The following MAGI1 variants were observed in gnomAD, a reference collection of about 807,000 sequenced individuals.
MAGI1 encodes membrane associated guanylate kinase, WW and PDZ domain containing 1.
In MAGI1, 58 loss-of-function variants were observed where a neutral mutation model predicts 139.9. The observed-to-expected ratio is 0.41, with a 90% CI of 0.34 to 0.52. MAGI1 has a LOEUF of 0.52. Ranked by LOEUF, MAGI1 falls within the 20% of genes least tolerant of loss-of-function variation. The probability of loss-of-function intolerance (pLI) is 0.12; values close to 1 mark genes in which losing one functional copy is unlikely to be tolerated. For synonymous variants in MAGI1, 812 were observed against 737.9 expected, an observed-to-expected ratio of 1.10 and a Z score of -1.63; for missense variants, 1,874 against 1,901.6, an observed-to-expected ratio of 0.99 and a Z score of 0.27.
intron 18 of MAGI1, chr3:65,365,242 C>T (rs771714517): frequency 3.5e-6 from 2 of 574,578 alleles, no homozygotes; most frequent in Admixed American, 3.9e-5. Context: ...ATATGTTTCT[C>T]ACTCCTCCCC....
intron 3 of MAGI1, among the ~76,000 whole-genome samples, chr3:65,479,049 G>A (rs939891391): frequency 2.0e-5 from 3 of 152,170 alleles, no homozygotes; most frequent in Non-Finnish European, 2.9e-5. Context: ...AAAAACAAAG[G>A]AGGCTATGCT....
chr3:65,574,182 A>C (rs529228877), intron 2 of MAGI1, among the ~76,000 whole-genome samples: 4 of 151,642 alleles, frequency 2.6e-5, no homozygotes, highest in African/African-American at 9.7e-5. Flanking sequence ...TTTATTTTTT[A>C]TTTTTTAACT....
At position 65,661,745 on chromosome 3, in the gene MAGI1, G is replaced by GTTTTTT. The variant is rs11369893; in HGVS notation, c.314-39663_314-39658dup. Reference sequence around the variant, plus strand: ...TTTTTTTGTTGTTTTGTTTTTTTCTGTTTTTTTTTTTTTTTTTTTTGAGAT... The same window carrying GTTTTTT: ...TTTTTTTGTTGTTTTGTTTTTTTCTGTTTTTTTTTTTTTTTTTTTTTTTTTTGAGAT... On this transcript the variant is annotated intron_variant, in intron 1 of 22. Transcript: ENST00000402939. Among the ~76,000 whole-genome samples, 177 of 93,912 alleles carry GTTTTTT rather than the reference G, an allele frequency of 1.9e-3. 9 individuals carry two copies. Among genetic ancestry groups the GTTTTTT allele is most frequent in the African/African-American group, 6.4e-3 (152 of 23,656 alleles). The allele number at this position is 93,912 out of a possible 152,430, so 61.6% of individuals were successfully genotyped here. A position where few individuals can be genotyped will look rare whatever the true frequency, so the allele number is the denominator to read the frequency against.
intron 5 of MAGI1, among the ~76,000 whole-genome samples, chr3:65,459,445 C>G (rs796765981): frequency 6.6e-6 from 1 of 152,192 alleles, no homozygotes; most frequent in African/African-American, 2.4e-5. Context: ...CGGAATACAA[C>G]TGCTATTTAT....
intron 13 of MAGI1, 28 bp from the exon 14 acceptor site, chr3:65,391,386 GAAGAA>G: frequency 1.9e-6 from 3 of 1,586,408 alleles, no homozygotes; most frequent in Non-Finnish European, 2.6e-6. Flanking sequence ...AGAGGGGCAA[GAAGAA>G]AAGATTATTA....
intron 17 of MAGI1, among the ~76,000 whole-genome samples, chr3:65,378,985 A>G (rs1044225722): frequency 7.2e-5 from 11 of 152,164 alleles, no homozygotes; most frequent in Non-Finnish European, 1.6e-4. Flanking sequence ...CCCGGCTGCT[A>G]TTCAAATTTC....
rs561532414 is a variant in MAGI1, at chr3:65,876,278, C to T, written c.313+161718G>A. 2.1e-4 allele frequency among the ~76,000 whole-genome samples: 32 copies of T among 152,134 alleles called. 1 individual carries two copies. The highest frequency in any genetic ancestry group is 1.3e-3 in the Admixed American group (20 of 15,262). On this transcript the variant is annotated intron_variant, in intron 1 of 22. Coordinates refer to ENST00000402939, the MANE Select transcript of MAGI1 (RefSeq NM_001033057.2). ...TCAATGCTACAGTGTGCTACGATCA[C>T]GCCTGTGAACAGCCACTGCACTCCA...
intron 1 of MAGI1, among the ~76,000 whole-genome samples, chr3:65,710,892 C>A (rs1409856561): frequency 6.6e-6 from 1 of 152,186 alleles, no homozygotes; most frequent in African/African-American, 2.4e-5. Context: ...CACTTTCCTA[C>A]CATTTCTCCA....
At chr3:65,701,726 G>C (rs996308904) in intron 1 of MAGI1, among the ~76,000 whole-genome samples, 9 of 152,120 alleles carry the variant, frequency 5.9e-5, no homozygotes, top group Admixed American at 5.2e-4. Flanking sequence ...ATGGTCTCTG[G>C]TGGACTCAGA....
Position 66,038,317 on chromosome 3 carries a change from A to C in MAGI1, c.-9T>G. 3.2e-6 allele frequency: 5 copies of C among 1,540,658 alleles called. No individual in the cohort carries two copies. Among genetic ancestry groups the C allele is most frequent in the Non-Finnish European group, 3.5e-6 (4 of 1,143,786 alleles). ...TGGATCACTTTGGACATGATGAGTT[A>C]CACCCCTCCTCCAAAAAAATAAAAC... is the stretch of plus-strand genomic sequence containing the variant. On this transcript the variant is annotated 5_prime_UTR_variant, in exon 1 of 23. Transcript: ENST00000402939.
At position 65,778,430 on chromosome 3, in the gene MAGI1, CA is replaced by C. The variant is rs35399058; in HGVS notation, c.314-156343del. Among the ~76,000 whole-genome samples, 37 of 83,900 alleles carry C rather than the reference CA, an allele frequency of 4.4e-4. 1 individual carries two copies. Among genetic ancestry groups the C allele is most frequent in the Non-Finnish European group, 4.8e-4 (21 of 44,090 alleles). The allele number at this position is 83,900 out of a possible 152,430, so 55.0% of individuals were successfully genotyped here. A position where few individuals can be genotyped will look rare whatever the true frequency, so the allele number is the denominator to read the frequency against. On this transcript the variant is annotated intron_variant, in intron 1 of 22. Transcript: ENST00000402939. ...GGGCAACAAGAGTGAAACTCTGTCTCAAAAAAAAAAAAAATAAATAAATAAG... is the reference window on the plus strand; with the variant it reads ...GGGCAACAAGAGTGAAACTCTGTCTCAAAAAAAAAAAAATAAATAAATAAG...
At chr3:65,390,812 T>G (rs1943865373) in intron 14 of MAGI1, among the ~76,000 whole-genome samples, 1 of 152,228 alleles carries the variant, frequency 6.6e-6, no homozygotes, top group South Asian at 2.1e-4. Flanking sequence ...AGATTTGTGC[T>G]CAGAGCACAT....
Position 65,356,644 on chromosome 3 carries a change from C to G in MAGI1, c.4123G>C (p.Glu1375Gln). The G allele has an allele frequency of 6.3e-7, 1 of 1,587,116 alleles. No homozygotes were observed. The highest frequency in any genetic ancestry group is 8.6e-7 in the Non-Finnish European group (1 of 1,168,164). Residue 1375 changes from glutamate (E) to glutamine (Q), a missense_variant, in exon 23 of 23, where the codon GAG becomes CAG. By Grantham distance (29) the Glu-to-Gln change is conservative (BLOSUM62 2). This residue lies in a region of MAGI1 where 653 missense variants were observed against 644.5 expected (regional missense o/e 1.01). Coordinates refer to ENST00000402939, the MANE Select transcript of MAGI1 (RefSeq NM_001033057.2). ...GACCTCCTCTGCTCCAGGAGTCTCTCCAGAGACCGTCTCCGCCGGCTGGGG... is the reference window on the plus strand; with the variant it reads ...GACCTCCTCTGCTCCAGGAGTCTCTGCAGAGACCGTCTCCGCCGGCTGGGG... ...GSPSRRRRSL[E>Q]RLLEQRRSPE... is the part of the protein sequence containing the mutation.
intron 1 of MAGI1, among the ~76,000 whole-genome samples, chr3:65,736,054 A>G (rs1330641307): frequency 6.6e-6 from 1 of 152,202 alleles, no homozygotes; most frequent in Non-Finnish European, 1.5e-5. Flanking sequence ...CACTCCAACA[A>G]TTAAATCTCC....
At chr3:65,612,045 T>C (rs1376690657) in intron 2 of MAGI1, among the ~76,000 whole-genome samples, 4 of 152,106 alleles carry the variant, frequency 2.6e-5, no homozygotes, top group Non-Finnish European at 5.9e-5. Context: ...AGTCTCTCTA[T>C]ACTTTAATGA....
intron 1 of MAGI1, chr3:65,688,343 A>G: frequency 1.5e-6 from 1 of 661,912 alleles, no homozygotes; most frequent in Non-Finnish European, 2.9e-6. Context: ...CCTGGGATGG[A>G]GTGATAGTAA....
intron 2 of MAGI1, among the ~76,000 whole-genome samples, chr3:65,574,943 C>T (rs1228394020): frequency 6.6e-6 from 1 of 152,004 alleles, no homozygotes; most frequent in Admixed American, 6.6e-5. Context: ...GGATCATAGA[C>T]ATAAAACTAA....
intron 1 of MAGI1, among the ~76,000 whole-genome samples, chr3:65,781,621 G>C (rs2038941143): frequency 6.6e-6 from 1 of 152,154 alleles, no homozygotes; most frequent in South Asian, 2.1e-4. Flanking sequence ...AAAGACCAAA[G>C]ATATAATGAA....
intron 7 of MAGI1, 147 bp downstream of exon 7, chr3:65,447,875 G>T: frequency 2.1e-6 from 2 of 937,234 alleles, no homozygotes; most frequent in South Asian, 1.4e-5. Context: ...TTGTAAGACT[G>T]ACCTTTCCTG....
Sources: allele counts gnomAD v4.1 joint callset (sites outside exome capture counted in the v4.1 genomes callset), GRCh38; gene constraint gnomAD v4.1.1; regional missense constraint gnomAD v4.1.1; transcripts MANE v1.5; gene names NCBI Gene and HGNC (gene_info 2026-07-23, HGNC 2026-07-21).